COG5: variants seen among roughly 807,000 people sequenced by gnomAD.
COG5 encodes component of oligomeric golgi complex 5, also known as conserved oligomeric Golgi complex subunit 5.
A neutral mutation model predicts 110.4 loss-of-function variants in COG5; 86 were observed. That is an observed-to-expected ratio of 0.78 (90% CI 0.65 to 0.93). The LOEUF (loss-of-function observed/expected upper bound fraction) is 0.93. Ranked by LOEUF, COG5 falls within the 40% of genes least tolerant of loss-of-function variation. The pLI is 0.00. For synonymous variants in COG5, 360 were observed against 334.6 expected (o/e 1.08, Z -0.83); for missense variants, 1,077 against 987.0 (o/e 1.09, Z -1.22).
intron 10 of COG5, among the ~76,000 whole-genome samples, chr7:107,356,930 A>G (rs1043188929): frequency 3.3e-5 from 5 of 152,310 alleles, no homozygotes; most frequent in Middle Eastern, 3.4e-3. Flanking sequence ...AGAACATTCT[A>G]TTCATAACCT....
intron 5 of COG5, 133 bp from the exon 6 acceptor site, chr7:107,527,490 C>T (rs1009216798): frequency 2.2e-6 from 2 of 902,294 alleles, no homozygotes; most frequent in East Asian, 2.7e-5. Flanking sequence ...TGTAACAAAC[C>T]TGCACATGTA....
At chr7:107,460,652 T>C (rs1250402753) in intron 6 of COG5, among the ~76,000 whole-genome samples, 1 of 151,916 alleles carries the variant, frequency 6.6e-6, no homozygotes, top group Non-Finnish European at 1.5e-5. Context: ...ACATTGTTCA[T>C]TAAGAACAAA....
At chr7:107,373,167 C>T (rs934302792) in intron 7 of COG5, among the ~76,000 whole-genome samples, 1 of 152,036 alleles carries the variant, frequency 6.6e-6, no homozygotes, top group African/African-American at 2.4e-5. Context: ...GAGAGCTGAA[C>T]CATGCAGACT....
chr7:107,548,432 CTTTT>C, intron 3 of COG5, 100 bp from the exon 4 acceptor site: 1 of 1,146,426 alleles, frequency 8.7e-7, no homozygotes. Flanking sequence ...ATAATTTTAA[CTTTT>C]TTTGTCACCA....
At chr7:107,230,201 T>A (rs1328645292) in intron 19 of COG5, among the ~76,000 whole-genome samples, 2 of 152,170 alleles carry the variant, frequency 1.3e-5, no homozygotes, top group African/African-American at 4.8e-5. Flanking sequence ...CATATCCATA[T>A]CTTGGAATGT....
chr7:107,365,653 A>C (rs1347658579), intron 8 of COG5, among the ~76,000 whole-genome samples: 1 of 149,262 alleles, frequency 6.7e-6, no homozygotes, highest in East Asian at 2.0e-4. Flanking sequence ...TAAGGAATTG[A>C]TATTTATGTT....
intron 6 of COG5, among the ~76,000 whole-genome samples, chr7:107,473,383 C>T (rs1383800072): frequency 2.0e-5 from 3 of 151,786 alleles, no homozygotes; most frequent in African/African-American, 7.3e-5. Flanking sequence ...TTAAGTTTGC[C>T]AACTGCAAAG....
At chr7:107,251,660 T>C (rs1802514197) in intron 16 of COG5, among the ~76,000 whole-genome samples, 1 of 152,086 alleles carries the variant, frequency 6.6e-6, no homozygotes, top group African/African-American at 2.4e-5. Flanking sequence ...TAGAAAAATA[T>C]TTCAAACTGA....
chr7:107,509,260 C>T (rs1450923865), intron 6 of COG5, among the ~76,000 whole-genome samples: 1 of 152,044 alleles, frequency 6.6e-6, no homozygotes, highest in Non-Finnish European at 1.5e-5. Flanking sequence ...GCAGAAGCCT[C>T]GGGAGCTGAT....
chr7:107,294,713 CTTTTTTTTTTTT>C (rs796291188), intron 12 of COG5, among the ~76,000 whole-genome samples: 2 of 110,036 alleles, frequency 1.8e-5, no homozygotes, highest in Non-Finnish European at 3.5e-5. Flanking sequence ...AATTTTCTTT[CTTTTTTTTTTTT>C]TTTTTTTTGA....
At chr7:107,337,862 T>G (rs1216357482) in intron 10 of COG5, among the ~76,000 whole-genome samples, 1 of 152,150 alleles carries the variant, frequency 6.6e-6, no homozygotes, top group African/African-American at 2.4e-5. Flanking sequence ...TACCCTAACT[T>G]GATCATTACA....
intron 6 of COG5, among the ~76,000 whole-genome samples, chr7:107,465,280 A>G (rs1299755020): frequency 6.6e-6 from 1 of 152,220 alleles, no homozygotes; most frequent in Non-Finnish European, 1.5e-5. Context: ...GTTGCAGGAT[A>G]TGAGTTCAAT....
At chr7:107,557,863 G>A in intron 2 of COG5, 113 bp downstream of exon 2, 1 of 1,334,872 alleles carries the variant, frequency 7.5e-7, no homozygotes, top group Non-Finnish European at 1.1e-6. Flanking sequence ...AGTCACACTG[G>A]TAAGTATGTA....
At chr7:107,524,411 T>C (rs1012838316) in intron 6 of COG5, among the ~76,000 whole-genome samples, 5 of 152,214 alleles carry the variant, frequency 3.3e-5, no homozygotes, top group Non-Finnish European at 1.5e-5. Context: ...ATTTCAAGGG[T>C]CTATGGTATA....
chr7:107,521,525 C>T (rs1444171652), intron 6 of COG5, among the ~76,000 whole-genome samples: 2 of 152,136 alleles, frequency 1.3e-5, no homozygotes, highest in African/African-American at 4.8e-5. Context: ...ATGCAGCCAA[C>T]AAACATTTTA....
chr7:107,529,963 C>T (rs897703985), intron 5 of COG5, among the ~76,000 whole-genome samples: 2 of 152,078 alleles, frequency 1.3e-5, no homozygotes, highest in South Asian at 2.1e-4. Flanking sequence ...CAATTTGGAA[C>T]GTAAAATCTC....
chr7:107,345,618 A>G (rs555332931), intron 10 of COG5, among the ~76,000 whole-genome samples: 6 of 152,290 alleles, frequency 3.9e-5, no homozygotes, highest in South Asian at 4.2e-4. Flanking sequence ...TGTAAGATGA[A>G]AAAGATCTAG....
intron 10 of COG5, among the ~76,000 whole-genome samples, chr7:107,340,495 A>G (rs955357063): frequency 9.2e-5 from 14 of 151,818 alleles, no homozygotes; most frequent in Non-Finnish European, 1.5e-4. Flanking sequence ...CAATCCCCCT[A>G]AAAAAAATTG....
intron 8 of COG5, among the ~76,000 whole-genome samples, chr7:107,366,382 T>G (rs1338416120): frequency 6.6e-6 from 1 of 152,084 alleles, no homozygotes; most frequent in Non-Finnish European, 1.5e-5. Flanking sequence ...AAGAAGATAC[T>G]AGACATGGAA....
Sources: gnomAD v4.1 joint callset for allele counts (sites outside exome capture counted in the v4.1 genomes callset) on GRCh38, gnomAD v4.1.1 for gene constraint, MANE v1.5 for transcripts, NCBI Gene and HGNC (gene_info 2026-07-23, HGNC 2026-07-21) for gene names.